ZNF665: variants seen among roughly 807,000 people sequenced by gnomAD.
ZNF665 encodes the protein zinc finger protein 665.
In ZNF665, 6 loss-of-function variants were observed where a neutral mutation model predicts 7.9. That is an observed-to-expected ratio of 0.76 (90% confidence interval 0.42 to 1.50). The LOEUF (loss-of-function observed/expected upper bound fraction) is 1.50. Among genes scored for constraint, ZNF665 ranks in the 40% most tolerant of loss-of-function variants. ZNF665 has a pLI of 0.01. For synonymous variants in ZNF665, 242 were observed against 274.5 expected, an observed-to-expected ratio of 0.88 and a Z score of 1.17; for missense variants, 819 against 806.7, an observed-to-expected ratio of 1.02 and a Z score of -0.18.
chr19:53,166,853 G>A (rs73057882), intron 3 of ZNF665, among the ~76,000 whole-genome samples: 78,451 of 151,928 alleles, frequency 0.52, 22,940 homozygotes, highest in South Asian at 0.71. Context: ...TAATAGCACT[G>A]AAAAAACGAG....
chr19:53,175,347 C>T, intron 3 of ZNF665, 98 bp downstream of exon 3: 2 of 1,440,148 alleles, frequency 1.4e-6, no homozygotes, highest in Admixed American at 4.4e-5. Context: ...GGACATCAAT[C>T]CTCATCAAGC....
intron 1 of ZNF665, among the ~76,000 whole-genome samples, chr19:53,192,976 T>C (rs4258731): frequency 0.98 from 149,789 of 152,252 alleles, 73,707 homozygotes; most frequent in African/African-American, 1. Flanking sequence ...CTCCAGTAGC[T>C]GACTAGGGCG....
At chr19:53,169,305 C>G (rs1376033308) in intron 3 of ZNF665, among the ~76,000 whole-genome samples, 3 of 151,800 alleles carry the variant, frequency 2.0e-5, no homozygotes, top group Non-Finnish European at 4.4e-5. Context: ...AGATAATAAG[C>G]ACATTAAAAG....
chr19:53,191,927 A>C (rs904506680), intron 1 of ZNF665: 1 of 152,204 alleles, frequency 6.6e-6, no homozygotes, highest in African/African-American at 2.4e-5. Context: ...ACCACCATGC[A>C]TCTGGGCCAT....
chr19:53,171,520 A>AT (rs1233778767), intron 3 of ZNF665, among the ~76,000 whole-genome samples: 17 of 82,738 alleles, frequency 2.1e-4, no homozygotes, highest in Middle Eastern at 5.2e-3. Flanking sequence ...ATATATATAT[A>AT]TATATTTTTT....
intron 1 of ZNF665, among the ~76,000 whole-genome samples, chr19:53,188,371 A>G (rs2090787887): frequency 4.1e-4 from 1 of 2,436 alleles, no homozygotes; most frequent in Non-Finnish European, 7.6e-4. Flanking sequence ...CGCGGCTAGG[A>G]GCTGGAGACC....
chr19:53,176,662 T>C lies in ZNF665; in HGVS notation c.16-1091A>G, dbSNP rs114211635. 4.9e-3 allele frequency among the ~76,000 whole-genome samples: 744 copies of C among 152,348 alleles called. 7 individuals are homozygous for C. The highest frequency in any genetic ancestry group is 0.016 in the African/African-American group (668 of 41,582). On this transcript the variant is annotated intron_variant, in intron 2 of 3. Transcript: ENST00000396424. ...GCTGCACCCTTGTGGGACTGAGCCC[T>C]ACACCTGTGGGATGTGATGCCATAT...
chr19:53,166,201 C>G lies in ZNF665; in HGVS notation c.289G>C (p.Asp97His), dbSNP rs753439552. ...SFQEVQKNTY[D>H]FECQWKDDEG... ...TCATCTTTCCACTGACACTCAAAGT[C>G]GTATGTATTTTTCTGAACTTCCTGG... Residue 97 changes from aspartate (D) to histidine (H), a missense_variant, in exon 4 of 4, where the codon GAC becomes CAC. Transcript: ENST00000396424. 6.2e-7 allele frequency: 1 copy of G among 1,613,916 alleles called. No individual in the cohort carries two copies. The highest frequency in any genetic ancestry group is 8.5e-7 in the Non-Finnish European group (1 of 1,179,892).
chr19:53,165,121 G>T lies in ZNF665; in HGVS notation c.1369C>A (p.Pro457Thr). 1 of 1,613,994 alleles carries T rather than the reference G, an allele frequency of 6.2e-7. No homozygotes were observed. The highest frequency in any genetic ancestry group is 8.5e-7 in the Non-Finnish European group (1 of 1,180,026). ...THQAIHTGEK[P>T]YKCNDCGKVF... Reference sequence around the variant, plus strand: ...TTACCGCAGTCATTACATTTGTAAGGCTTTTCTCCAGTATGAATTGCCTGA... The same window carrying T: ...TTACCGCAGTCATTACATTTGTAAGTCTTTTCTCCAGTATGAATTGCCTGA... Residue 457 changes from proline (P) to threonine (T), a missense_variant, in exon 4 of 4, where the codon CCT becomes ACT. By Grantham distance (38) the Pro-to-Thr change is conservative. Transcript: ENST00000396424.
Position 53,165,918 on chromosome 19 carries a change from G to C in ZNF665, c.572C>G (p.Ser191Ter). Reference protein sequence around the residue: ...DECGKVFSQNSRLTSHKRIHT... With the variant: ...DECGKVFSQN ...AATTCTCTTATGACTTGTTAGCCGT[G>C]AGTTTTGACTGAAGACCTTGCCACA... Residue 191 changes from serine to a stop codon, truncating the protein, a stop_gained, in exon 4 of 4, where the codon TCA becomes TGA. Coordinates refer to ENST00000396424, the MANE Select transcript of ZNF665 (RefSeq NM_024733.5). LOFTEE classifies it low-confidence loss of function (END_TRUNC). The C allele has an allele frequency of 6.2e-7, 1 of 1,614,136 alleles. No homozygotes were observed. Among genetic ancestry groups the C allele is most frequent in the Non-Finnish European group, 8.5e-7 (1 of 1,180,020 alleles).
chr19:53,180,390 G>A (rs143399362), intron 2 of ZNF665, among the ~76,000 whole-genome samples: 1,710 of 151,156 alleles, frequency 0.011, 36 homozygotes, highest in African/African-American at 0.038. Context: ...CCGAGATTGC[G>A]CCCCTTCACT....
chr19:53,165,159 C>A lies in ZNF665; in HGVS notation c.1331G>T (p.Ser444Ile), dbSNP rs1019273697. The A allele has an allele frequency of 4.1e-5, 66 of 1,613,950 alleles. No homozygotes were observed. The highest frequency in any genetic ancestry group is 5.3e-5 in the Non-Finnish European group (62 of 1,179,972). Reference sequence around the variant, plus strand: ...ATGAATTGCCTGATGGGTAGTTAGGCTTGATCGCACACTAAAGGCTTTGCC... The same window carrying A: ...ATGAATTGCCTGATGGGTAGTTAGGATTGATCGCACACTAAAGGCTTTGCC... ...ECGKAFSVRSSLTTHQAIHTG... is the reference protein window; with the variant it reads ...ECGKAFSVRSILTTHQAIHTG... The change falls in exon 4 of 4, where the codon AGC becomes ATC. Residue 444 changes from serine to isoleucine, a missense_variant. Transcript: ENST00000396424.
At chr19:53,182,451 A>C in intron 2 of ZNF665, 1 of 497,146 alleles carries the variant, frequency 2.0e-6, no homozygotes, top group Non-Finnish European at 3.6e-6. Flanking sequence ...AATATAAATG[A>C]GGTGACAAAG....
intron 1 of ZNF665, among the ~76,000 whole-genome samples, chr19:53,193,005 ATCCTGC>A (rs2090829949): frequency 6.6e-6 from 1 of 152,084 alleles, no homozygotes; most frequent in Non-Finnish European, 1.5e-5. Flanking sequence ...GGACGGTAAA[ATCCTGC>A]ACCCACTTCG....
chr19:53,185,236 T>C (rs1377006354), intron 1 of ZNF665, among the ~76,000 whole-genome samples: 1 of 151,888 alleles, frequency 6.6e-6, no homozygotes, highest in East Asian at 1.9e-4. Flanking sequence ...GTGTTGTTCC[T>C]TGCCACTTAC....
At position 53,166,239 on chromosome 19, in the gene ZNF665, A is replaced by T. The variant is rs12460170; in HGVS notation, c.251T>A (p.Val84Glu). 1 of 1,613,744 alleles carries T rather than the reference A, an allele frequency of 6.2e-7. No individual in the cohort carries two copies. The highest frequency in any genetic ancestry group is 1.1e-5 in the South Asian group (1 of 91,064). Residue 84 changes from valine to glutamate, a missense_variant, in exon 4 of 4, where the codon GTA (valine) becomes GAA (glutamate). By Grantham distance (121) the Val-to-Glu change is moderately radical. Transcript: ENST00000396424. ...KLERLESCDTVGLSFQEVQKN... is the reference protein window; with the variant it reads ...KLERLESCDTEGLSFQEVQKN... ...CTGAACTTCCTGGAAGGACAAGCCT[A>T]CAGTGTCACAGCTTTCAAGTCTCTC...
intron 2 of ZNF665, among the ~76,000 whole-genome samples, chr19:53,178,597 A>G (rs1482013565): frequency 6.6e-6 from 1 of 152,208 alleles, no homozygotes; most frequent in African/African-American, 2.4e-5. Context: ...AAATAAATAA[A>G]TACAAACAAA....
intron 2 of ZNF665, chr19:53,181,776 C>T (rs952348466): frequency 6.6e-6 from 1 of 152,158 alleles, no homozygotes; most frequent in Non-Finnish European, 1.5e-5. Flanking sequence ...AAATAGAGGA[C>T]TAGAACTCCC....
chr19:53,176,985 G>A (rs2090703429), intron 2 of ZNF665, among the ~76,000 whole-genome samples: 1 of 152,084 alleles, frequency 6.6e-6, no homozygotes, highest in South Asian at 2.1e-4. Context: ...CAGGTGTGGT[G>A]GCAGGCACCT....
Sources: allele counts gnomAD v4.1 joint callset (sites outside exome capture counted in the v4.1 genomes callset), GRCh38; gene constraint gnomAD v4.1.1; transcripts MANE v1.5; gene names NCBI Gene and HGNC (gene_info 2026-07-23, HGNC 2026-07-21).